The following GRID2 variants were observed in gnomAD, a reference collection of about 807,000 sequenced individuals.
The protein encoded by GRID2 is glutamate ionotropic receptor delta type subunit 2.
A neutral mutation model predicts 114.8 loss-of-function variants in GRID2; 33 were observed. That is an observed-to-expected ratio of 0.29 (90% CI 0.22 to 0.38). GRID2 has a LOEUF of 0.38. GRID2 is among the 10% of genes least tolerant of loss of function. The pLI is 1.00. For synonymous variants in GRID2, 505 were observed against 449.9 expected (o/e 1.12, Z -1.55); for missense variants, 1,184 against 1,257.7 (o/e 0.94, Z 0.89).
intron 4 of GRID2, among the ~76,000 whole-genome samples, chr4:93,194,886 A>G (rs1269401388): frequency 6.6e-6 from 1 of 152,150 alleles, no homozygotes; most frequent in African/African-American, 2.4e-5. Flanking sequence ...CTGTGTTTAA[A>G]AAGCCCTCCA....
chr4:93,542,882 C>G (rs1414270117), intron 13 of GRID2, among the ~76,000 whole-genome samples: 2 of 152,140 alleles, frequency 1.3e-5, no homozygotes, highest in African/African-American at 4.8e-5. Flanking sequence ...AAGCAGTGAT[C>G]TTAACCATCT....
At chr4:93,169,182 A>ACG (rs1156978893) in intron 4 of GRID2, among the ~76,000 whole-genome samples, 2 of 149,478 alleles carry the variant, frequency 1.3e-5, no homozygotes, top group Non-Finnish European at 1.5e-5. Flanking sequence ...ACACACACAC[A>ACG]CAAACTTAAA....
chr4:93,458,078 C>T (rs1723375615), intron 11 of GRID2, among the ~76,000 whole-genome samples: 1 of 151,944 alleles, frequency 6.6e-6, no homozygotes, highest in Non-Finnish European at 1.5e-5. Context: ...GACCACTGGC[C>T]CATACAAAGC....
intron 1 of GRID2, among the ~76,000 whole-genome samples, chr4:92,329,173 C>T (rs1726749889): frequency 6.6e-6 from 1 of 151,888 alleles, no homozygotes. Context: ...ATAATAATTC[C>T]AAATGGTTAA....
chr4:93,195,151 A>G (rs1280741739), intron 4 of GRID2, among the ~76,000 whole-genome samples: 1 of 152,150 alleles, frequency 6.6e-6, no homozygotes, highest in African/African-American at 2.4e-5. Context: ...CCCTCATGTA[A>G]CAAATTGTGT....
In GRID2 at chr4:93,272,991, T is replaced by C. The variant is rs572735033; in HGVS notation, c.1245+34501T>C. Among the ~76,000 whole-genome samples the C allele has an allele frequency of 3.3e-5, 5 of 152,324 alleles. No individual in the cohort carries two copies. In the East Asian group the frequency reaches 9.7e-4, roughly 29 times the overall value. ...AGGTCATTACCAGTTAAGATAACCCTTGACCATCCTTTGTAGTTCACTCTG... is the reference window on the plus strand; with the variant it reads ...AGGTCATTACCAGTTAAGATAACCCCTGACCATCCTTTGTAGTTCACTCTG... On this transcript the variant is annotated intron_variant, in intron 8 of 15. Coordinates refer to ENST00000282020, the MANE Select transcript of GRID2 (RefSeq NM_001510.4).
At chr4:92,636,899 G>A (rs551882553) in intron 2 of GRID2, among the ~76,000 whole-genome samples, 5 of 151,854 alleles carry the variant, frequency 3.3e-5, no homozygotes, top group East Asian at 3.9e-4. Flanking sequence ...ATTTGTAAGA[G>A]TAAGGGAAAT....
At chr4:92,357,583 C>T (rs968149156) in intron 1 of GRID2, among the ~76,000 whole-genome samples, 7 of 151,498 alleles carry the variant, frequency 4.6e-5, no homozygotes, top group Non-Finnish European at 8.8e-5. Flanking sequence ...TTACACTTGC[C>T]TGTTATATAA....
chr4:93,327,447 AGGAACAAATCCT>A (rs59709397), intron 8 of GRID2, among the ~76,000 whole-genome samples: 19,719 of 152,092 alleles, frequency 0.13, 1,569 homozygotes, highest in Middle Eastern at 0.24. Flanking sequence ...TATCCAATCC[AGGAACAAATCCT>A]GTCAGTTCTA....
At chr4:92,803,263 A>C (rs1423903241) in intron 2 of GRID2, among the ~76,000 whole-genome samples, 2 of 151,962 alleles carry the variant, frequency 1.3e-5, no homozygotes, top group Non-Finnish European at 2.9e-5. Flanking sequence ...TAAGGAATTC[A>C]ATATCCCTTT....
rs139540868 is a variant in GRID2 at position 92,317,987 on chromosome 4, T to C, written c.88+13243T>C. Among the ~76,000 whole-genome samples the C allele has an allele frequency of 1.7e-3, 257 of 152,252 alleles. 2 individuals are homozygous for C. The highest frequency in any genetic ancestry group is 5.9e-3 in the African/African-American group (244 of 41,556). The stretch of plus-strand genomic sequence containing the variant: ...TACTTAAAAACTTTAGATAATTATG[T>C]ATAAACTGGGTTGTATTGATATTCC... On this transcript the variant is annotated intron_variant, in intron 1 of 15. Coordinates refer to ENST00000282020, the MANE Select transcript of GRID2 (RefSeq NM_001510.4).
Position 92,900,936 on chromosome 4 carries a change from C to CTGTGTGTGTGTGTGTGTGTGTGTGTG in GRID2, c.245-184046_245-184045insGTGTGTGTGTGTGTGTGTGTGTGTGT, listed in dbSNP as rs67753622. Among the ~76,000 whole-genome samples, 498 of 149,860 alleles carry CTGTGTGTGTGTGTGTGTGTGTGTGTG rather than the reference C, an allele frequency of 3.3e-3. 5 individuals carry two copies. Among genetic ancestry groups the CTGTGTGTGTGTGTGTGTGTGTGTGTG allele is most frequent in the African/African-American group, 0.011 (466 of 40,688 alleles). ...TGTTTTATGACTGAGTAGTATTCGT[C>CTGTGTGTGTGTGTGTGTGTGTGTGTG]TGTGTGTGTGTGTATTTCCCATTTT... On this transcript the variant is annotated intron_variant, in intron 2 of 15. Transcript: ENST00000282020.
chr4:93,095,420 A>G (rs1033621742), intron 3 of GRID2, among the ~76,000 whole-genome samples: 2 of 152,080 alleles, frequency 1.3e-5, no homozygotes, highest in African/African-American at 4.8e-5. Context: ...AAAAGAATAC[A>G]TATCCTCCAC....
intron 2 of GRID2, among the ~76,000 whole-genome samples, chr4:92,936,722 G>T (rs1750700947): frequency 2.1e-5 from 3 of 146,156 alleles, no homozygotes; most frequent in African/African-American, 4.9e-5. Flanking sequence ...TTGGAAGTTT[G>T]CCTCATCAAT....
At chr4:93,615,969 A>G (rs16996403) in intron 13 of GRID2, among the ~76,000 whole-genome samples, 3,508 of 152,268 alleles carry the variant, frequency 0.023, 63 homozygotes, top group East Asian at 0.065. Context: ...AAATTAGAGA[A>G]GGACATTTCT....
At chr4:92,710,526 G>A (rs1281703273) in intron 2 of GRID2, among the ~76,000 whole-genome samples, 4 of 152,156 alleles carry the variant, frequency 2.6e-5, no homozygotes, top group Admixed American at 6.6e-5. Context: ...CTTTTGCCAG[G>A]CCCTCTCTTA....
intron 1 of GRID2, among the ~76,000 whole-genome samples, chr4:92,428,289 T>C (rs899649751): frequency 6.6e-6 from 1 of 151,896 alleles, no homozygotes; most frequent in Non-Finnish European, 1.5e-5. Flanking sequence ...ATAATAATAG[T>C]TTTGAAAAAC....
chr4:93,369,437 G>A (rs995253500), intron 8 of GRID2, among the ~76,000 whole-genome samples: 4 of 152,062 alleles, frequency 2.6e-5, no homozygotes, highest in Non-Finnish European at 2.9e-5. Flanking sequence ...AATATCTCTG[G>A]GTGACCATGA....
chr4:93,476,349 A>G (rs752876332), intron 11 of GRID2, among the ~76,000 whole-genome samples: 4 of 152,166 alleles, frequency 2.6e-5, no homozygotes, highest in Non-Finnish European at 5.9e-5. Context: ...ATTGTCTTTT[A>G]AAATTGCAGT....
Sources: gnomAD v4.1 joint callset for allele counts (sites outside exome capture counted in the v4.1 genomes callset) on GRCh38, gnomAD v4.1.1 for gene constraint, MANE v1.5 for transcripts, NCBI Gene and HGNC (gene_info 2026-07-23, HGNC 2026-07-21) for gene names.